Variants in CCBE1 observed in about 807,000 individuals in gnomAD.
CCBE1 encodes the protein collagen and calcium-binding EGF domain-containing protein 1.
In CCBE1, 37 loss-of-function variants were observed where a neutral mutation model predicts 50.0. The observed-to-expected ratio is 0.74, with a 90% CI of 0.57 to 0.97. The LOEUF (loss-of-function observed/expected upper bound fraction) is 0.97, where lower values mean the gene tolerates loss of function less well. Ranked by LOEUF, CCBE1 falls within the 50% of genes least tolerant of loss-of-function variation. The pLI, the probability that CCBE1 is intolerant of heterozygous loss-of-function variation, is 0.00. For missense variants in CCBE1, 538 were observed against 523.8 expected (o/e 1.03, Z -0.26); for synonymous variants, 234 against 203.7 (o/e 1.15, Z -1.27).
chr18:59,663,539 A>G (rs2054314293), intron 2 of CCBE1, among the ~76,000 whole-genome samples: 1 of 152,028 alleles, frequency 6.6e-6, no homozygotes, highest in South Asian at 2.1e-4. Flanking sequence ...AGGAGGATGG[A>G]AGAGATGTAG....
At chr18:59,476,066 G>C (rs1035594915) in intron 3 of CCBE1, among the ~76,000 whole-genome samples, 27 of 152,042 alleles carry the variant, frequency 1.8e-4, no homozygotes, top group African/African-American at 6.5e-4. Flanking sequence ...CCCTATTCCA[G>C]GAAGTATGTA....
upstream of CCBE1, chr18:59,697,541 A>T: frequency 2.9e-6 from 2 of 679,198 alleles, no homozygotes; most frequent in South Asian, 4.0e-5. Context: ...GGGGTATCGG[A>T]TGCAAACCCA....
intron 2 of CCBE1, among the ~76,000 whole-genome samples, chr18:59,684,513 G>A (rs975251631): frequency 1.3e-5 from 2 of 152,186 alleles, no homozygotes; most frequent in African/African-American, 2.4e-5. Flanking sequence ...AAACTAGCAA[G>A]CTCTGAAATG....
intron 2 of CCBE1, among the ~76,000 whole-genome samples, chr18:59,582,103 G>A (rs532426883): frequency 1.6e-4 from 25 of 152,248 alleles, no homozygotes; most frequent in African/African-American, 5.1e-4. Flanking sequence ...CTGCCACTGT[G>A]CCTCATAGTA....
chr18:59,633,119 G>A (rs1378744547), intron 2 of CCBE1, among the ~76,000 whole-genome samples: 1 of 152,228 alleles, frequency 6.6e-6, no homozygotes, highest in Non-Finnish European at 1.5e-5. Flanking sequence ...CACTTTGGGA[G>A]CTCGCAGGGA....
At chr18:59,682,953 G>A (rs886145383) in intron 2 of CCBE1, among the ~76,000 whole-genome samples, 1 of 152,246 alleles carries the variant, frequency 6.6e-6, no homozygotes, top group African/African-American at 2.4e-5. Flanking sequence ...GAACTACAGA[G>A]TGGAGCTTTC....
chr18:59,584,176 C>T (rs1055707757), intron 2 of CCBE1, among the ~76,000 whole-genome samples: 1 of 152,050 alleles, frequency 6.6e-6, no homozygotes, highest in African/African-American at 2.4e-5. Flanking sequence ...AGCCATAAAA[C>T]ATGATGAGTT....
chr18:59,628,107 G>A (rs923853187), intron 2 of CCBE1, among the ~76,000 whole-genome samples: 11 of 152,054 alleles, frequency 7.2e-5, no homozygotes, highest in South Asian at 2.1e-4. Flanking sequence ...CCAGCTACTC[G>A]GGAGGCTGAG....
chr18:59,605,469 T>A (rs1411150998), intron 2 of CCBE1, among the ~76,000 whole-genome samples: 3 of 152,238 alleles, frequency 2.0e-5, no homozygotes, highest in Non-Finnish European at 4.4e-5. Context: ...GGCAGAGGCA[T>A]CATGCCAAGT....
At chr18:59,662,030 T>G (rs2054293038) in intron 2 of CCBE1, among the ~76,000 whole-genome samples, 2 of 152,152 alleles carry the variant, frequency 1.3e-5, no homozygotes, top group Non-Finnish European at 2.9e-5. Context: ...TAACTCATGC[T>G]TTAACAGAGC....
chr18:59,689,610 T>C (rs190309898), intron 2 of CCBE1, among the ~76,000 whole-genome samples: 2 of 152,352 alleles, frequency 1.3e-5, no homozygotes, highest in East Asian at 1.9e-4. Context: ...AGATCTATAA[T>C]GCATTATGTG....
intron 3 of CCBE1, among the ~76,000 whole-genome samples, chr18:59,472,798 G>A (rs1259468834): frequency 6.6e-6 from 1 of 152,226 alleles, no homozygotes; most frequent in Non-Finnish European, 1.5e-5. Flanking sequence ...AATTTATAAA[G>A]GAAAGAGGTT....
chr18:59,438,075 T>A, intron 10 of CCBE1, 36 bp downstream of exon 10: 1 of 1,612,126 alleles, frequency 6.2e-7, no homozygotes, highest in Non-Finnish European at 8.5e-7. Flanking sequence ...CCTGAGAACG[T>A]TCCCCTGGGG....
chr18:59,472,217 A>T (rs1912066887), intron 3 of CCBE1, among the ~76,000 whole-genome samples: 1 of 152,210 alleles, frequency 6.6e-6, no homozygotes, highest in Non-Finnish European at 1.5e-5. Context: ...TGGGTCCTCC[A>T]AACTTCTAAG....
chr18:59,478,931 G>A (rs1424125451), intron 3 of CCBE1, among the ~76,000 whole-genome samples: 2 of 152,146 alleles, frequency 1.3e-5, no homozygotes, highest in East Asian at 1.9e-4. Flanking sequence ...ACCATCACAC[G>A]TGGAGCGATT....
In CCBE1 at chr18:59,661,657, T is replaced by A. The variant is rs138257825; in HGVS notation, c.212+34972A>T. Among the ~76,000 whole-genome samples the A allele has an allele frequency of 5.3e-3, 809 of 152,262 alleles. 7 individuals are homozygous for A. Among genetic ancestry groups the A allele is most frequent in the African/African-American group, 0.018 (746 of 41,550 alleles). ...ACCTTGTTTTATGTATATTTCTGTTTAAAGACACCTTATTTAATAGATTCT... is the reference window on the plus strand; with the variant it reads ...ACCTTGTTTTATGTATATTTCTGTTAAAAGACACCTTATTTAATAGATTCT... On this transcript the variant is annotated intron_variant, in intron 2 of 10. Transcript: ENST00000439986.
intron 2 of CCBE1, among the ~76,000 whole-genome samples, chr18:59,633,852 T>C (rs1020193022): frequency 1.3e-5 from 2 of 152,156 alleles, no homozygotes; most frequent in Non-Finnish European, 2.9e-5. Flanking sequence ...ATTTTATAAT[T>C]GCATAAACTC....
intron 2 of CCBE1, among the ~76,000 whole-genome samples, chr18:59,482,532 C>T (rs1254153883): frequency 1.3e-5 from 2 of 152,312 alleles, no homozygotes; most frequent in Admixed American, 6.5e-5. Flanking sequence ...ATAGCAAAGA[C>T]TTGCTCTGAA....
intron 6 of CCBE1, among the ~76,000 whole-genome samples, chr18:59,451,900 C>G (rs990446838): frequency 4.6e-5 from 7 of 152,138 alleles, no homozygotes; most frequent in Non-Finnish European, 4.4e-5. Context: ...TTCCACGTGC[C>G]CCATCCCAAT....
Sources: gnomAD v4.1 joint callset for allele counts (sites outside exome capture counted in the v4.1 genomes callset) on GRCh38, gnomAD v4.1.1 for gene constraint, MANE v1.5 for transcripts, NCBI Gene and HGNC (gene_info 2026-07-23, HGNC 2026-07-21) for gene names.